MAGI2: variants seen among roughly 807,000 people sequenced by gnomAD.
MAGI2 encodes membrane-associated guanylate kinase, WW and PDZ domain-containing protein 2.
A neutral mutation model predicts 133.3 loss-of-function variants in MAGI2; 35 were observed. The ratio of observed to expected loss-of-function variants is 0.26; its 90% CI spans 0.20 to 0.35. The LOEUF is 0.35. Ranked by LOEUF, MAGI2 falls within the 10% of genes least tolerant of loss-of-function variation. The pLI is 1.00. For missense variants in MAGI2, 1,636 were observed against 1,863.4 expected (o/e 0.88, Z 2.25); for synonymous variants, 729 against 710.6 (o/e 1.03, Z -0.41).
At chr7:79,144,003 G>T (rs776349415) in intron 1 of MAGI2, among the ~76,000 whole-genome samples, 11 of 152,000 alleles carry the variant, frequency 7.2e-5, no homozygotes, top group Non-Finnish European at 1.6e-4. Flanking sequence ...ACAAAATTAG[G>T]TACTTATATA....
At chr7:79,273,841 A>G (rs73707603) in intron 1 of MAGI2, among the ~76,000 whole-genome samples, 2,421 of 152,130 alleles carry the variant, frequency 0.016, 53 homozygotes, top group African/African-American at 0.057. Context: ...CTCTTAGGAA[A>G]TGTGTTCTGA....
At chr7:79,385,568 T>G (rs1435447701) in intron 1 of MAGI2, among the ~76,000 whole-genome samples, 3 of 141,538 alleles carry the variant, frequency 2.1e-5, no homozygotes, top group Non-Finnish European at 4.5e-5. Flanking sequence ...TACCCATTTT[T>G]GACCTTATAA....
intron 7 of MAGI2, among the ~76,000 whole-genome samples, chr7:78,360,308 C>T (rs1452417269): frequency 6.6e-6 from 1 of 152,082 alleles, no homozygotes; most frequent in Admixed American, 6.5e-5. Flanking sequence ...TATTTTCCAA[C>T]ACCAAAGGAA....
chr7:78,292,126 A>G, intron 9 of MAGI2, among the ~76,000 whole-genome samples: 1 of 152,202 alleles, frequency 6.6e-6, no homozygotes, highest in Admixed American at 6.5e-5. Context: ...TCAATTAGGA[A>G]AAGAGGAAGT....
intron 4 of MAGI2, among the ~76,000 whole-genome samples, chr7:78,506,754 G>A (rs984992696): frequency 1.3e-5 from 2 of 152,228 alleles, no homozygotes; most frequent in Admixed American, 1.3e-4. Context: ...AGTATTTACG[G>A]TGGAGTGGTT....
At chr7:78,539,441 TC>T (rs1440052559) in intron 3 of MAGI2, among the ~76,000 whole-genome samples, 1 of 152,186 alleles carries the variant, frequency 6.6e-6, no homozygotes, top group Non-Finnish European at 1.5e-5. Flanking sequence ...AATTTTTGTA[TC>T]TATGTTCATC....
At chr7:79,399,126 A>C in intron 1 of MAGI2, among the ~76,000 whole-genome samples, 1 of 98,366 alleles carries the variant, frequency 1.0e-5, no homozygotes, top group Admixed American at 1.2e-4. Context: ...ATGGAGCCTC[A>C]CTCTGTGGCC....
intron 3 of MAGI2, among the ~76,000 whole-genome samples, chr7:78,560,185 G>A (rs1800261083): frequency 6.6e-6 from 1 of 152,180 alleles, no homozygotes; most frequent in Admixed American, 6.5e-5. Flanking sequence ...ATTAATAATT[G>A]AACTTGAGAC....
At chr7:78,617,594 T>C (rs1584860761) in intron 3 of MAGI2, 1 of 152,198 alleles carries the variant, frequency 6.6e-6, no homozygotes, top group South Asian at 2.1e-4. Context: ...GTGTGAATAT[T>C]CTATAACATG....
At chr7:78,400,063 T>C (rs1405241492) in intron 6 of MAGI2, among the ~76,000 whole-genome samples, 3 of 152,210 alleles carry the variant, frequency 2.0e-5, no homozygotes, top group Non-Finnish European at 2.9e-5. Context: ...AAATACCTGA[T>C]TGCATTTGAT....
intron 21 of MAGI2, among the ~76,000 whole-genome samples, chr7:78,026,562 T>G (rs1808938793): frequency 6.6e-6 from 1 of 152,226 alleles, no homozygotes; most frequent in African/African-American, 2.4e-5. Flanking sequence ...ATGGTTCATT[T>G]GCATCTGTTC....
chr7:79,299,010 A>T (rs901081847), intron 1 of MAGI2, among the ~76,000 whole-genome samples: 1 of 152,170 alleles, frequency 6.6e-6, no homozygotes, highest in Non-Finnish European at 1.5e-5. Flanking sequence ...TTGTCATGGC[A>T]GCCCTAGCAA....
At chr7:78,777,924 A>T (rs923583995) in intron 2 of MAGI2, among the ~76,000 whole-genome samples, 1 of 152,158 alleles carries the variant, frequency 6.6e-6, no homozygotes, top group South Asian at 2.1e-4. Flanking sequence ...GTAATTCATC[A>T]TATATTAACA....
At position 79,007,165 on chromosome 7, in the gene MAGI2, G is replaced by A. The variant is rs199541452; in HGVS notation, c.343C>T (p.Arg115Ter). The A allele has an allele frequency of 1.9e-6, 3 of 1,612,976 alleles. No individual in the cohort carries two copies. The highest frequency in any genetic ancestry group is 8.5e-7 in the Non-Finnish European group (1 of 1,179,510). ...DKDLRHYLNL[R>*]FQKGSVDHEL... ...TGGTCCACAGAACCCTTTTGAAATC[G>A]TAAGTTGAGGTAGTGACGAAGGTCT... The change falls in exon 2 of 22, where the codon CGA becomes TGA. Residue 115 changes from arginine to a stop codon, truncating the protein, a stop_gained. Transcript: ENST00000354212. LOFTEE classifies it high-confidence loss of function.
At chr7:78,915,004 T>C (rs1039298244) in intron 2 of MAGI2, among the ~76,000 whole-genome samples, 2 of 151,882 alleles carry the variant, frequency 1.3e-5, no homozygotes, top group African/African-American at 4.8e-5. Flanking sequence ...ATAGAAAAAA[T>C]GAATTTTGCT....
At chr7:78,720,492 C>T (rs1010324626) in intron 2 of MAGI2, among the ~76,000 whole-genome samples, 4 of 151,774 alleles carry the variant, frequency 2.6e-5, no homozygotes, top group African/African-American at 9.7e-5. Context: ...TCATCTTAAC[C>T]ATTAGTTGTA....
chr7:79,314,264 C>G (rs1188746543), intron 1 of MAGI2, among the ~76,000 whole-genome samples: 4 of 150,776 alleles, frequency 2.7e-5, no homozygotes, highest in African/African-American at 9.8e-5. Flanking sequence ...ATGAGCCACC[C>G]TTCTTGGCCT....
chr7:79,440,630 A>G (rs1417168459), intron 1 of MAGI2, among the ~76,000 whole-genome samples: 1 of 152,150 alleles, frequency 6.6e-6, no homozygotes, highest in Non-Finnish European at 1.5e-5. Context: ...ATATCTCCAA[A>G]ACAATAAAAT....
At chr7:78,277,914 A>G (rs1211063129) in intron 9 of MAGI2, among the ~76,000 whole-genome samples, 1 of 152,144 alleles carries the variant, frequency 6.6e-6, no homozygotes, top group African/African-American at 2.4e-5. Context: ...GCAGGCAGAC[A>G]GAAGAGCAAA....
Sources: gnomAD v4.1 joint callset for allele counts (sites outside exome capture counted in the v4.1 genomes callset) on GRCh38, gnomAD v4.1.1 for gene constraint, MANE v1.5 for transcripts, NCBI Gene and HGNC (gene_info 2026-07-23, HGNC 2026-07-21) for gene names.